TNFSF10: variants seen among roughly 807,000 people sequenced by gnomAD.
TNFSF10 encodes the protein TNF superfamily member 10, also known as tumor necrosis factor ligand superfamily member 10.
TNFSF10 carries 13 observed loss-of-function variants against 29.5 expected under a neutral mutation model. The observed-to-expected ratio is 0.44, with a 90% CI of 0.29 to 0.70. TNFSF10 has a LOEUF of 0.70. Among genes scored for constraint, TNFSF10 ranks in the 30% least tolerant of loss-of-function variants. The pLI, the probability that TNFSF10 is intolerant of heterozygous loss-of-function variation, is 0.13. For missense variants in TNFSF10, 345 were observed against 330.9 expected (o/e 1.04, Z -0.33); for synonymous variants, 111 against 112.8 (o/e 0.98, Z 0.10).
At position 172,506,347 on chromosome 3, in the gene TNFSF10, G is replaced by C. The variant is rs781396809; in HGVS notation, c.*145C>G. ...GTTGTAGAATTTTTTGGTTGTGGCTGCTCTACTCAGATTGCATAGAGGTTT... is the reference window on the plus strand; with the variant it reads ...GTTGTAGAATTTTTTGGTTGTGGCTCCTCTACTCAGATTGCATAGAGGTTT... On this transcript the variant is annotated 3_prime_UTR_variant, in exon 5 of 5. Transcript: ENST00000241261. 1 of 1,007,468 alleles carries C rather than the reference G, an allele frequency of 9.9e-7. No homozygotes were observed. The highest frequency in any genetic ancestry group is 2.7e-5 in the East Asian group (1 of 37,160). The allele number at this position is 1,007,468 out of a possible 1,614,324, so 62.4% of individuals were successfully genotyped here.
chr3:172,510,589 G>A (rs1460286430), intron 3 of TNFSF10, among the ~76,000 whole-genome samples: 1 of 151,986 alleles, frequency 6.6e-6, no homozygotes, highest in Non-Finnish European at 1.5e-5. Flanking sequence ...ATATATCTTG[G>A]TATACAGAGT....
chr3:172,511,408 G>C, intron 3 of TNFSF10: 1 of 433,376 alleles, frequency 2.3e-6, no homozygotes, highest in Non-Finnish European at 4.1e-6. Flanking sequence ...ATAAAGTTCT[G>C]ACCATAGATG....
At position 172,506,287 on chromosome 3, in the gene TNFSF10, C is replaced by T. The variant is rs1712979375; in HGVS notation, c.*205G>A. On this transcript the variant is annotated 3_prime_UTR_variant, in exon 5 of 5. Coordinates refer to ENST00000241261, the MANE Select transcript of TNFSF10 (RefSeq NM_003810.4). ...AAAGATCTTTCAGCAATTTCATTCT[C>T]TTGGGATAAGTGAGTCACTTTCAGA... is the stretch of plus-strand genomic sequence containing the variant. 3.8e-5 allele frequency: 20 copies of T among 525,876 alleles called. 1 individual carries two copies. The South Asian group carries it at 6.7e-4, about 18-fold the overall frequency. 32.6% of individuals were successfully genotyped at this position (525,876 alleles called of 1,614,324 possible).
At position 172,509,335 on chromosome 3, in the gene TNFSF10, G is replaced by A; in HGVS notation, c.314-14C>T. 6.2e-7 allele frequency: 1 copy of A among 1,606,954 alleles called. No homozygotes were observed. The highest frequency in any genetic ancestry group is 2.2e-5 in the East Asian group (1 of 44,756). ...TTTGTTGCTTTTCTAAAAGAGAAAT[G>A]ATAAAGGGTCATCAACACTTGCCAA... On this transcript the variant is annotated splice_polypyrimidine_tract_variant and intron_variant, in intron 3 of 4. Coordinates refer to ENST00000241261, the MANE Select transcript of TNFSF10 (RefSeq NM_003810.4).
chr3:172,515,901 C>T (rs1237967676), intron 1 of TNFSF10, among the ~76,000 whole-genome samples: 1 of 152,094 alleles, frequency 6.6e-6, no homozygotes, highest in Non-Finnish European at 1.5e-5. Context: ...TTGCTTTGCT[C>T]ATTTCTTCTC....
At position 172,506,541 on chromosome 3, in the gene TNFSF10, A is replaced by G. The variant is rs370336122; in HGVS notation, c.797T>C (p.Ile266Thr). Residue 266 changes from isoleucine to threonine, a missense_variant, in exon 5 of 5, where the codon ATA becomes ACA. By Grantham distance (89) the Ile-to-Thr change is moderately conservative. Coordinates refer to ENST00000241261, the MANE Select transcript of TNFSF10 (RefSeq NM_003810.4). ...AAAACTGGCTTCATGGTCCATGTCT[A>G]TCAAGTGCTCATTTGTTACAGAAAC... ...IFVSVTNEHL[I>T]DMDHEASFFG... 11 of 1,613,904 alleles carry G rather than the reference A, an allele frequency of 6.8e-6. No homozygotes were observed. In the Admixed American group the frequency reaches 1.0e-4, roughly 15 times the overall value.
At position 172,506,364 on chromosome 3, in the gene TNFSF10, T is replaced by A. The variant is rs1712982617; in HGVS notation, c.*128A>T. The stretch of plus-strand genomic sequence containing the variant: ...TTGTGGCTGCTCTACTCAGATTGCA[T>A]AGAGGTTTTTTTGTTTTCTGTTTTC... On this transcript the variant is annotated 3_prime_UTR_variant, in exon 5 of 5. Coordinates refer to ENST00000241261, the MANE Select transcript of TNFSF10 (RefSeq NM_003810.4). 1.7e-6 allele frequency: 2 copies of A among 1,208,360 alleles called. No homozygotes were observed. The highest frequency in any genetic ancestry group is 2.3e-6 in the Non-Finnish European group (2 of 883,134). The allele number at this position is 1,208,360 out of a possible 1,614,324, so 74.9% of individuals were successfully genotyped here. A position where few individuals can be genotyped will look rare whatever the true frequency, so the allele number is the denominator to read the frequency against.
chr3:172,521,465 G>A (rs569298798), intron 1 of TNFSF10, among the ~76,000 whole-genome samples: 2 of 152,238 alleles, frequency 1.3e-5, no homozygotes, highest in South Asian at 4.1e-4. Flanking sequence ...CATCATCACT[G>A]GTCATTAGAG....
At chr3:172,513,863 G>C (rs1713328136) in intron 2 of TNFSF10, among the ~76,000 whole-genome samples, 1 of 148,974 alleles carries the variant, frequency 6.7e-6, no homozygotes, top group Non-Finnish European at 1.5e-5. Context: ...TTTTGAGATA[G>C]AGTCTTGCTC....
chr3:172,511,494 C>T (rs1249967651), intron 3 of TNFSF10, 123 bp downstream of exon 3: 11 of 715,910 alleles, frequency 1.5e-5, no homozygotes, highest in South Asian at 1.3e-4. Flanking sequence ...GCTTGAGATA[C>T]GGAGCAGCAG....
chr3:172,510,712 G>A (rs1369289164), intron 3 of TNFSF10, among the ~76,000 whole-genome samples: 1 of 151,770 alleles, frequency 6.6e-6, no homozygotes, highest in Non-Finnish European at 1.5e-5. Context: ...CATCTGAATA[G>A]GTGGAGTGTT....
At chr3:172,515,142 G>A (rs1577013043) in intron 1 of TNFSF10, 144 bp from the exon 2 acceptor site, 2 of 1,003,746 alleles carry the variant, frequency 2.0e-6, no homozygotes, top group East Asian at 2.5e-5. Flanking sequence ...ATAAAAGTAA[G>A]CATGCTCTCC....
rs973486312 is a variant in TNFSF10, at chr3:172,509,166, A to C, written c.418+51T>G. The C allele has an allele frequency of 4.0e-6, 6 of 1,482,926 alleles. No individual in the cohort carries two copies. The African/African-American group carries it at 8.4e-5, about 21-fold the overall frequency. The allele number at this position is 1,482,926 out of a possible 1,614,324, so 91.9% of individuals were successfully genotyped here. On this transcript the variant is annotated intron_variant, in intron 4 of 4. Transcript: ENST00000241261. Reference sequence around the variant, plus strand: ...TTCTTTAAAAAATAAGTTACTTGGCACAATCCTTCCATTATTTTCCCTTAA... The same window carrying C: ...TTCTTTAAAAAATAAGTTACTTGGCCCAATCCTTCCATTATTTTCCCTTAA...
chr3:172,505,575 G>T lies in TNFSF10; in HGVS notation c.*917C>A, dbSNP rs1400911515. 1.3e-5 allele frequency: 2 copies of T among 151,950 alleles called. No individual in the cohort carries two copies. The highest frequency in any genetic ancestry group is 6.6e-5 in the Admixed American group (1 of 15,246). The allele number at this position is 151,950 out of a possible 1,614,324, so 9.4% of individuals were successfully genotyped here. ...TGTGTCAAAGATATTATGAAAAAAA[G>T]ATTAGAAGTCTTTTCCCCCATTTTT... On this transcript the variant is annotated 3_prime_UTR_variant, in exon 5 of 5. Transcript: ENST00000241261.
intron 1 of TNFSF10, chr3:172,518,293 TG>T: frequency 8.5e-7 from 1 of 1,179,932 alleles, no homozygotes; most frequent in Non-Finnish European, 1.1e-6. Flanking sequence ...TGGATTTCCA[TG>T]GTGACTGCTC....
rs764242132 is a variant in TNFSF10 at position 172,506,893 on chromosome 3, G to A, written c.445C>T (p.Arg149Cys). 1.4e-5 allele frequency: 23 copies of A among 1,609,428 alleles called. No individual in the cohort carries two copies. Among genetic ancestry groups the A allele is most frequent in the Admixed American group, 3.4e-5 (2 of 58,992 alleles). Residue 149 changes from arginine to cysteine, a missense_variant, in exon 5 of 5, where the codon CGC (arginine) becomes TGC (cysteine). Transcript: ENST00000241261. The part of the protein sequence containing the change: ...PNSKNEKALG[R>C]KINSWESSRS... Reference sequence around the variant, plus strand: ...GATGATTCCCAGGAGTTTATTTTGCGGCCCAGAGCCTTTTCATTCTTGGAG... The same window carrying A: ...GATGATTCCCAGGAGTTTATTTTGCAGCCCAGAGCCTTTTCATTCTTGGAG...
At chr3:172,515,802 G>C (rs912188842) in intron 1 of TNFSF10, among the ~76,000 whole-genome samples, 16 of 151,970 alleles carry the variant, frequency 1.1e-4, no homozygotes, top group African/African-American at 3.9e-4. Flanking sequence ...AAACCACCCA[G>C]AACTCTTTAG....
chr3:172,509,442 T>A, intron 3 of TNFSF10, 121 bp from the exon 4 acceptor site: 1 of 614,480 alleles, frequency 1.6e-6, no homozygotes, highest in South Asian at 2.7e-5. Context: ...GTTGATTCTA[T>A]GAGTTTTCAT....
intron 3 of TNFSF10, among the ~76,000 whole-genome samples, chr3:172,511,260 G>C (rs947675538): frequency 6.6e-6 from 1 of 152,170 alleles, no homozygotes; most frequent in East Asian, 1.9e-4. Flanking sequence ...GTAACTTTAA[G>C]GGACTTCATT....
Sources: gnomAD v4.1 joint callset for allele counts (sites outside exome capture counted in the v4.1 genomes callset) on GRCh38, gnomAD v4.1.1 for gene constraint, MANE v1.5 for transcripts, NCBI Gene and HGNC (gene_info 2026-07-23, HGNC 2026-07-21) for gene names.